The following BMP2K variants were observed in gnomAD, a reference collection of about 807,000 sequenced individuals.
BMP2K encodes the protein BMP-2-inducible protein kinase.
In BMP2K, 74 loss-of-function variants were observed where a neutral mutation model predicts 116.0. That is an observed-to-expected ratio of 0.64 (90% CI 0.53 to 0.77). The LOEUF is 0.77. Ranked by LOEUF, BMP2K falls within the 30% of genes least tolerant of loss-of-function variation. The pLI, the probability that BMP2K is intolerant of heterozygous loss-of-function variation, is 0.00. For missense variants in BMP2K, 1,365 were observed against 1,403.6 expected, an observed-to-expected ratio of 0.97 and a Z score of 0.44; for synonymous variants, 486 against 502.5, an observed-to-expected ratio of 0.97 and a Z score of 0.44.
intron 1 of BMP2K, among the ~76,000 whole-genome samples, chr4:78,815,637 G>A (rs746515838): frequency 2.0e-5 from 3 of 152,048 alleles, no homozygotes; most frequent in Admixed American, 6.6e-5. Context: ...AGTTGAAAGA[G>A]TGGTACAGTG....
intron 1 of BMP2K, among the ~76,000 whole-genome samples, chr4:78,785,319 C>T (rs1727680827): frequency 6.6e-6 from 1 of 152,068 alleles, no homozygotes; most frequent in South Asian, 2.1e-4. Context: ...CCGTGTTGGC[C>T]AGGCTGGTTT....
intron 15 of BMP2K, among the ~76,000 whole-genome samples, chr4:78,903,111 TATGCCATACAATACC>T (rs1049249904): frequency 2.1e-4 from 32 of 152,030 alleles, no homozygotes; most frequent in Non-Finnish European, 7.4e-5. Flanking sequence ...TATTGTATTG[TATGCCATACAATACC>T]TTGCTGAATG....
At position 78,878,765 on chromosome 4, in the gene BMP2K, T is replaced by C. The variant is rs959088428; in HGVS notation, c.1825T>C (p.Phe609Leu). ...SVADKEAIAN[F>L]TNQKNISNPP... ...TGCTGATAAAGAGGCCATTGCAAAT[T>C]TCACAAATCAGAAGAACATCAGCAA... The change falls in exon 14 of 16, where the codon TTC (phenylalanine) becomes CTC (leucine). Residue 609 changes from phenylalanine to leucine, a missense_variant. Transcript: ENST00000502613. 10 of 1,612,098 alleles carry C rather than the reference T, an allele frequency of 6.2e-6. No homozygotes were observed. Among genetic ancestry groups the C allele is most frequent in the Non-Finnish European group, 8.5e-7 (1 of 1,179,506 alleles).
At position 78,870,688 on chromosome 4, in the gene BMP2K, CTTAG is replaced by C. The variant is rs957972800; in HGVS notation, c.1232-91_1232-88del. On this transcript the variant is annotated intron_variant, in intron 10 of 15. Transcript: ENST00000502613. ...GTGTTATAAATAAGGATATAAATGC[CTTAG>C]TTAAATTATTATTGAAATGAGCATG... 12 of 1,457,828 alleles carry C rather than the reference CTTAG, an allele frequency of 8.2e-6. No individual in the cohort carries two copies. The East Asian group carries it at 1.9e-4, about 22-fold the overall frequency. The allele number at this position is 1,457,828 out of a possible 1,614,324, so 90.3% of individuals were successfully genotyped here. A position where few individuals can be genotyped will look rare whatever the true frequency, so the allele number is the denominator to read the frequency against.
intron 1 of BMP2K, among the ~76,000 whole-genome samples, chr4:78,790,041 A>G (rs1727922319): frequency 6.6e-6 from 1 of 152,232 alleles, no homozygotes; most frequent in Non-Finnish European, 1.5e-5. Flanking sequence ...TGTTTATTAG[A>G]TGACAGCACA....
At chr4:78,782,251 C>A (rs1727538074) in intron 1 of BMP2K, among the ~76,000 whole-genome samples, 1 of 152,168 alleles carries the variant, frequency 6.6e-6, no homozygotes, top group Non-Finnish European at 1.5e-5. Context: ...TCCCTCTTGT[C>A]ACATTTAACC....
chr4:78,837,105 C>T (rs1730524509), intron 3 of BMP2K, among the ~76,000 whole-genome samples: 1 of 151,496 alleles, frequency 6.6e-6, no homozygotes, highest in African/African-American at 2.4e-5. Context: ...TTTCTTTATT[C>T]TTTTATTGTT....
intron 1 of BMP2K, among the ~76,000 whole-genome samples, chr4:78,787,476 G>A (rs942784826): frequency 2.0e-5 from 3 of 152,146 alleles, no homozygotes; most frequent in East Asian, 1.9e-4. Flanking sequence ...AGCCACTACC[G>A]TTAGACAGAG....
chr4:78,842,647 A>G (rs1730816032), intron 4 of BMP2K, 120 bp downstream of exon 4: 13 of 832,216 alleles, frequency 1.6e-5, no homozygotes, highest in African/African-American at 1.7e-5. Context: ...CTCCCCTTCT[A>G]CATTTCCTGA....
chr4:78,832,924 A>G (rs1730279961), intron 2 of BMP2K, among the ~76,000 whole-genome samples: 1 of 151,988 alleles, frequency 6.6e-6, no homozygotes, highest in Non-Finnish European at 1.5e-5. Context: ...ATTTTAAATA[A>G]TATTTTTAAT....
At chr4:78,789,952 T>C (rs1044638107) in intron 1 of BMP2K, among the ~76,000 whole-genome samples, 1 of 152,316 alleles carries the variant, frequency 6.6e-6, no homozygotes. Flanking sequence ...TGCTGTAATA[T>C]CGGATCCCTA....
chr4:78,852,931 A>T (rs991108146), intron 7 of BMP2K, among the ~76,000 whole-genome samples: 4 of 152,072 alleles, frequency 2.6e-5, no homozygotes, highest in Admixed American at 1.3e-4. Flanking sequence ...TATTTTTCAA[A>T]TGTGGCCTTT....
intron 4 of BMP2K, among the ~76,000 whole-genome samples, chr4:78,843,061 T>TA (rs1730836718): frequency 6.6e-6 from 1 of 151,978 alleles, no homozygotes; most frequent in African/African-American, 2.4e-5. Flanking sequence ...CTTATATTGG[T>TA]ACCCACTTGT....
At chr4:78,783,830 TAATA>T (rs1018939073) in intron 1 of BMP2K, among the ~76,000 whole-genome samples, 6 of 151,836 alleles carry the variant, frequency 4.0e-5, no homozygotes, top group South Asian at 2.1e-4. Context: ...AATAAATAAA[TAATA>T]AATAAAAATA....
chr4:78,856,921 G>A (rs1454308304), intron 7 of BMP2K, among the ~76,000 whole-genome samples: 2 of 152,054 alleles, frequency 1.3e-5, no homozygotes, highest in Non-Finnish European at 2.9e-5. Context: ...ATGGGTGGAG[G>A]TGCTTCATTC....
At chr4:78,781,950 G>C (rs1727524437) in intron 1 of BMP2K, among the ~76,000 whole-genome samples, 1 of 152,218 alleles carries the variant, frequency 6.6e-6, no homozygotes. Context: ...ATTTCAAGAA[G>C]GGGAGGGAGT....
Position 78,889,165 on chromosome 4 carries a change from G to A in BMP2K, c.2062+1881G>A, listed in dbSNP as rs547071573. Among the ~76,000 whole-genome samples the A allele has an allele frequency of 2.1e-5, 3 of 146,154 alleles. No individual in the cohort carries two copies. In the Admixed American group the frequency reaches 2.1e-4, roughly 10 times the overall value. ...GAACCCGGGAGGCGGAGTTTGCAGT[G>A]AGCCGAGATCGTGCCAGTGCACTCC... On this transcript the variant is annotated intron_variant, in intron 15 of 15. Transcript: ENST00000502613.
At chr4:78,802,078 G>C (rs1728592800) in intron 1 of BMP2K, among the ~76,000 whole-genome samples, 1 of 152,170 alleles carries the variant, frequency 6.6e-6, no homozygotes, top group Admixed American at 6.5e-5. Context: ...ATTCTAGAAA[G>C]AGTTTTGCTC....
Position 78,914,201 on chromosome 4 carries a change from A to G in BMP2K, c.*2168A>G, listed in dbSNP as rs917956792. 1 of 152,086 alleles carries G rather than the reference A, an allele frequency of 6.6e-6. No individual in the cohort carries two copies. The highest frequency in any genetic ancestry group is 2.4e-5 in the African/African-American group (1 of 41,444). 9.4% of individuals were successfully genotyped at this position (152,086 alleles called of 1,614,324 possible). On this transcript the variant is annotated 3_prime_UTR_variant, in exon 16 of 16. Transcript: ENST00000502613. The stretch of plus-strand genomic sequence containing the variant: ...GAGGATGAACTAATGTCTCCTTCAG[A>G]TGTAAACATGAAATACCTAGAGTTT...
Sources: allele counts gnomAD v4.1 joint callset (sites outside exome capture counted in the v4.1 genomes callset), GRCh38; gene constraint gnomAD v4.1.1; transcripts MANE v1.5; gene names NCBI Gene and HGNC (gene_info 2026-07-23, HGNC 2026-07-21).